The following TANGO2 variants were observed in gnomAD, a reference collection of about 807,000 sequenced individuals.
TANGO2 encodes transport and Golgi organization protein 2 homolog.
A neutral mutation model predicts 39.1 loss-of-function variants in TANGO2; 26 were observed. The ratio of observed to expected loss-of-function variants is 0.67; its 90% confidence interval spans 0.49 to 0.92. The LOEUF (loss-of-function observed/expected upper bound fraction) is 0.92. Among genes scored for constraint, TANGO2 ranks in the 40% least tolerant of loss-of-function variants. TANGO2 has a pLI of 0.00. For synonymous variants in TANGO2, 131 were observed against 144.5 expected (o/e 0.91, Z 0.67); for missense variants, 326 against 360.1 (o/e 0.91, Z 0.77).
intron 1 of TANGO2, among the ~76,000 whole-genome samples, chr22:20,032,187 C>T (rs1036339426): frequency 6.6e-6 from 1 of 152,252 alleles, no homozygotes; most frequent in African/African-American, 2.4e-5. Context: ...CCTGCCCCAC[C>T]CGCCCTGTAA....
intron 1 of TANGO2, among the ~76,000 whole-genome samples, chr22:20,034,190 A>C (rs1206689108): frequency 7.7e-6 from 1 of 130,264 alleles, no homozygotes; most frequent in Non-Finnish European, 1.7e-5. Flanking sequence ...CAGGAGCAAA[A>C]ACAAAACAAC....
Position 20,065,232 on chromosome 22 carries a change from T to C in TANGO2, c.*570T>C, listed in dbSNP as rs1212132212. The C allele has an allele frequency of 6.5e-6, 1 of 153,280 alleles. No individual in the cohort carries two copies. Among genetic ancestry groups the C allele is most frequent in the Non-Finnish European group, 1.5e-5 (1 of 68,778 alleles). The allele number at this position is 153,280 out of a possible 1,614,324, so 9.5% of individuals were successfully genotyped here. On this transcript the variant is annotated 3_prime_UTR_variant, in exon 9 of 9. Coordinates refer to ENST00000327374, the MANE Select transcript of TANGO2 (RefSeq NM_152906.7). ...TTTAAAAGCGGCCCCTCCTCTCCTGTGGCCACAGAACACAGGCGTGCTTGG... is the reference window on the plus strand; with the variant it reads ...TTTAAAAGCGGCCCCTCCTCTCCTGCGGCCACAGAACACAGGCGTGCTTGG...
rs114342373 is a variant in TANGO2 at position 20,054,182 on chromosome 22, G to A, written c.380+631G>A. 6.8e-3 allele frequency: 1,574 copies of A among 231,184 alleles called. 29 individuals are homozygous for A. Among genetic ancestry groups the A allele is most frequent in the African/African-American group, 0.034 (1,482 of 43,000 alleles). 14.3% of individuals were successfully genotyped at this position (231,184 alleles called of 1,614,324 possible). A position where few individuals can be genotyped will look rare whatever the true frequency, so the allele number is the denominator to read the frequency against. ...CCGAGCTCCAGGCCTGCTGTTCGTTGAGCATCCCTTGTGTGTGGCATGCCC... is the reference window on the plus strand; with the variant it reads ...CCGAGCTCCAGGCCTGCTGTTCGTTAAGCATCCCTTGTGTGTGGCATGCCC... On this transcript the variant is annotated intron_variant, in intron 5 of 8. Transcript: ENST00000327374.
intron 6 of TANGO2, among the ~76,000 whole-genome samples, chr22:20,060,215 G>A (rs1284385473): frequency 6.6e-6 from 1 of 152,060 alleles, no homozygotes; most frequent in Non-Finnish European, 1.5e-5. Flanking sequence ...CAGGCGTGGT[G>A]GCGGGTGCCT....
intron 3 of TANGO2, 74 bp downstream of exon 3, chr22:20,043,517 T>A: frequency 9.6e-7 from 1 of 1,040,244 alleles, no homozygotes; most frequent in Non-Finnish European, 1.5e-6. Flanking sequence ...CGAGTGACCC[T>A]AACTGAGTGG....
intron 1 of TANGO2, among the ~76,000 whole-genome samples, chr22:20,031,421 C>A (rs936154397): frequency 1.3e-5 from 2 of 152,208 alleles, no homozygotes; most frequent in Non-Finnish European, 2.9e-5. Context: ...CACCATGCCA[C>A]GTTGCCCTGC....
At chr22:20,041,679 C>T (rs1030642414) in intron 2 of TANGO2, among the ~76,000 whole-genome samples, 1 of 152,110 alleles carries the variant, frequency 6.6e-6, no homozygotes, top group Non-Finnish European at 1.5e-5. Flanking sequence ...AACTCCTGAC[C>T]TCATGATCCA....
intron 2 of TANGO2, among the ~76,000 whole-genome samples, chr22:20,041,177 C>T (rs1198391615): frequency 6.6e-6 from 1 of 152,212 alleles, no homozygotes; most frequent in South Asian, 2.1e-4. Context: ...AATGGAGTTT[C>T]GTTCTGTCGC....
intron 3 of TANGO2, among the ~76,000 whole-genome samples, chr22:20,050,133 C>G (rs1180220841): frequency 6.6e-6 from 1 of 151,952 alleles, no homozygotes; most frequent in Non-Finnish European, 1.5e-5. Context: ...ATGGCCTGAA[C>G]CCGGGAGGCG....
chr22:20,040,772 G>C (rs997335073), intron 2 of TANGO2, among the ~76,000 whole-genome samples: 12 of 152,210 alleles, frequency 7.9e-5, no homozygotes, highest in African/African-American at 2.9e-4. Flanking sequence ...CAGAGGTTGG[G>C]GGGCACTTCT....
chr22:20,063,034 C>T (rs1454915378), intron 7 of TANGO2: 1 of 338,854 alleles, frequency 3.0e-6, no homozygotes, highest in African/African-American at 2.1e-5. Flanking sequence ...ATGCTAGCTA[C>T]AATGGCTGGC....
intron 2 of TANGO2, among the ~76,000 whole-genome samples, chr22:20,042,367 A>T (rs1301954338): frequency 6.6e-6 from 1 of 152,058 alleles, no homozygotes; most frequent in Admixed American, 6.6e-5. Context: ...CTGTGTCCTT[A>T]TTTGTTTTCT....
chr22:20,053,840 T>C, intron 5 of TANGO2: 3 of 460,200 alleles, frequency 6.5e-6, no homozygotes, highest in South Asian at 5.0e-5. Context: ...CCGGGTGTCC[T>C]CCCTCCCACG....
At chr22:20,030,014 C>T (rs561991415) in intron 1 of TANGO2, among the ~76,000 whole-genome samples, 58 of 152,238 alleles carry the variant, frequency 3.8e-4, no homozygotes, top group African/African-American at 1.4e-3. Context: ...TACCAAGTCC[C>T]TATGTGCTCC....
At chr22:20,043,908 T>C (rs1240827916) in intron 3 of TANGO2, among the ~76,000 whole-genome samples, 6 of 152,150 alleles carry the variant, frequency 3.9e-5, no homozygotes, top group African/African-American at 1.4e-4. Flanking sequence ...AAGCTGGTGG[T>C]GCTGAAGCCC....
rs150787593 is a variant in TANGO2 at position 20,050,680 on chromosome 22, C to G, written c.146-1785C>G. 1.3e-3 allele frequency among the ~76,000 whole-genome samples: 181 copies of G among 143,498 alleles called. 4 individuals are homozygous for G. The East Asian group carries it at 0.036, about 28-fold the overall frequency. 94.1% of individuals were successfully genotyped at this position (143,498 alleles called of 152,430 possible). A position where few individuals can be genotyped will look rare whatever the true frequency, so the allele number is the denominator to read the frequency against. On this transcript the variant is annotated intron_variant, in intron 3 of 8. Transcript: ENST00000327374. Reference sequence around the variant, plus strand: ...CCCGGCTTTTTTTTTTTTTTTTAATCACACTAAGGATTTTAAAAATGCTGT... The same window carrying G: ...CCCGGCTTTTTTTTTTTTTTTTAATGACACTAAGGATTTTAAAAATGCTGT...
intron 1 of TANGO2, chr22:20,033,365 CT>C (rs2042236358): frequency 5.2e-6 from 2 of 385,368 alleles, no homozygotes; most frequent in East Asian, 2.1e-4. Context: ...TCTGCTGCCC[CT>C]GCACCCTGGC....
At chr22:20,020,314 G>A (rs2039473441), upstream of TANGO2, among the ~76,000 whole-genome samples, 2 of 152,186 alleles carry the variant, frequency 1.3e-5, no homozygotes, top group African/African-American at 4.8e-5. Flanking sequence ...GAGCCTCTGG[G>A]CTTTGACTCT....
Position 20,052,492 on chromosome 22 carries a change from G to A in TANGO2, c.173G>A (p.Gly58Glu), listed in dbSNP as rs2046543071. ...CTGGACATGGAGGAAGGCAAGGAAG[G>A]AGGCACATGGCTGGGCATCAGCACA... ...SGLDMEEGKE[G>E]GTWLGISTRG... is the part of the protein sequence containing the mutation. The change falls in exon 4 of 9, where the codon GGA becomes GAA. Residue 58 changes from glycine to glutamate, a missense_variant. Gly to Glu is a moderately conservative substitution (Grantham distance 98). Coordinates refer to ENST00000327374, the MANE Select transcript of TANGO2 (RefSeq NM_152906.7). 4 of 1,606,548 alleles carry A rather than the reference G, an allele frequency of 2.5e-6. No homozygotes were observed. Among genetic ancestry groups the A allele is most frequent in the Non-Finnish European group, 2.5e-6 (3 of 1,176,744 alleles).
Sources: gnomAD v4.1 joint callset for allele counts (sites outside exome capture counted in the v4.1 genomes callset) on GRCh38, gnomAD v4.1.1 for gene constraint, MANE v1.5 for transcripts, NCBI Gene and HGNC (gene_info 2026-07-23, HGNC 2026-07-21) for gene names.